The following CCDC60 variants were observed in gnomAD, a reference collection of about 807,000 sequenced individuals.
CCDC60 encodes coiled-coil domain-containing protein 60.
CCDC60 carries 54 observed loss-of-function variants against 63.5 expected under a neutral mutation model. The observed-to-expected ratio is 0.85, with a 90% CI of 0.68 to 1.07. CCDC60 has a LOEUF of 1.07. Ranked by LOEUF, CCDC60 falls within the 50% of genes least tolerant of loss-of-function variation. The pLI, the probability that CCDC60 is intolerant of heterozygous loss-of-function variation, is 0.00. For missense variants in CCDC60, 651 were observed against 684.3 expected (o/e 0.95, Z 0.54); for synonymous variants, 206 against 238.8 (o/e 0.86, Z 1.27).
At chr12:119,525,515 C>G (rs1057350046) in intron 11 of CCDC60, among the ~76,000 whole-genome samples, 3 of 152,170 alleles carry the variant, frequency 2.0e-5, no homozygotes, top group African/African-American at 7.2e-5. Context: ...AGAAAAAAAT[C>G]TTCAACAAAG....
intron 1 of CCDC60, among the ~76,000 whole-genome samples, chr12:119,421,067 C>T (rs1227349221): frequency 1.3e-5 from 2 of 152,090 alleles, no homozygotes; most frequent in Non-Finnish European, 2.9e-5. Flanking sequence ...GACGGAGCAT[C>T]CCAGCTGTTT....
intron 7 of CCDC60, among the ~76,000 whole-genome samples, chr12:119,507,210 G>A (rs1952028801): frequency 6.6e-6 from 1 of 151,990 alleles, no homozygotes; most frequent in African/African-American, 2.4e-5. Flanking sequence ...GATGTTCAAA[G>A]ATGGAAGTGA....
chr12:119,360,360 CCCGGACGGGGCGG>C (rs1955768739), intron 1 of CCDC60, among the ~76,000 whole-genome samples: 2 of 86,048 alleles, frequency 2.3e-5, no homozygotes, highest in East Asian at 7.9e-3. Flanking sequence ...CCACCTCCCT[CCCGGACGGGGCGG>C]CTGGCCGGGC....
At chr12:119,389,729 G>A (rs552931273) in intron 1 of CCDC60, among the ~76,000 whole-genome samples, 1 of 152,016 alleles carries the variant, frequency 6.6e-6, no homozygotes, top group Admixed American at 6.6e-5. Flanking sequence ...GCATCTTTAG[G>A]GTTAGCCCCC....
chr12:119,383,649 C>T (rs552116653), intron 1 of CCDC60, among the ~76,000 whole-genome samples: 14 of 152,326 alleles, frequency 9.2e-5, no homozygotes, highest in Middle Eastern at 3.4e-3. Context: ...CTTTTGAGAG[C>T]TCAAGAGACA....
chr12:119,444,919 C>A (rs1195074254), intron 2 of CCDC60, among the ~76,000 whole-genome samples: 1 of 151,724 alleles, frequency 6.6e-6, no homozygotes, highest in Non-Finnish European at 1.5e-5. Flanking sequence ...ACAGGAAGAG[C>A]AAAATGGCTT....
chr12:119,400,722 C>CTCCCAA (rs551910433), intron 1 of CCDC60, among the ~76,000 whole-genome samples: 154 of 152,368 alleles, frequency 1.0e-3, no homozygotes, highest in Non-Finnish European at 1.7e-3. Flanking sequence ...GCGTAATAAG[C>CTCCCAA]TCCCAAATGA....
intron 5 of CCDC60, among the ~76,000 whole-genome samples, chr12:119,496,289 T>A (rs961211211): frequency 6.6e-6 from 1 of 152,242 alleles, no homozygotes; most frequent in East Asian, 1.9e-4. Context: ...GCACGAAGTA[T>A]TTGAGAAAAT....
At chr12:119,528,910 C>A (rs1952764028) in intron 12 of CCDC60, among the ~76,000 whole-genome samples, 164 bp downstream of exon 12, 1 of 152,242 alleles carries the variant, frequency 6.6e-6, no homozygotes, top group East Asian at 1.9e-4. Flanking sequence ...AACACTAAAT[C>A]CAGAGCACAA....
At chr12:119,412,963 G>C (rs547230866) in intron 1 of CCDC60, among the ~76,000 whole-genome samples, 1 of 152,164 alleles carries the variant, frequency 6.6e-6, no homozygotes, top group African/African-American at 2.4e-5. Flanking sequence ...GCCATCTCAA[G>C]CCTCCCGCAT....
intron 1 of CCDC60, among the ~76,000 whole-genome samples, chr12:119,418,229 A>G (rs1956739632): frequency 6.6e-6 from 1 of 151,948 alleles, no homozygotes; most frequent in Non-Finnish European, 1.5e-5. Context: ...TTTTAAGCTG[A>G]GCCTCTTGAA....
At chr12:119,431,514 C>A (rs1388647601) in intron 2 of CCDC60, among the ~76,000 whole-genome samples, 1 of 152,234 alleles carries the variant, frequency 6.6e-6, no homozygotes, top group African/African-American at 2.4e-5. Context: ...GGGTCAGAAT[C>A]TTGCAGTCTC....
In CCDC60 at chr12:119,428,407, C is replaced by A. The variant is rs138307563; in HGVS notation, c.91-276C>A. Among the ~76,000 whole-genome samples, 295 of 152,290 alleles carry A rather than the reference C, an allele frequency of 1.9e-3. 1 individual carries two copies. The East Asian group carries it at 0.02, about 10-fold the overall frequency. ...TACTGAAGAAATTGAGGCCCAAATT[C>A]TTCAGAGAGGTTGAGTAATTTGTTC... is the stretch of plus-strand genomic sequence containing the variant. On this transcript the variant is annotated intron_variant, in intron 1 of 13. Coordinates refer to ENST00000327554, the MANE Select transcript of CCDC60 (RefSeq NM_178499.5).
chr12:119,418,232 C>T (rs544943540), intron 1 of CCDC60, among the ~76,000 whole-genome samples: 41 of 151,796 alleles, frequency 2.7e-4, no homozygotes, highest in Admixed American at 2.0e-3. Flanking sequence ...TAAGCTGAGC[C>T]TCTTGAAAGT....
At chr12:119,466,816 C>T (rs1207990690) in intron 2 of CCDC60, among the ~76,000 whole-genome samples, 1 of 152,156 alleles carries the variant, frequency 6.6e-6, no homozygotes, top group African/African-American at 2.4e-5. Flanking sequence ...TTGGTGTGTG[C>T]ATTGTGTTGA....
intron 7 of CCDC60, among the ~76,000 whole-genome samples, chr12:119,511,957 C>T (rs1197347153): frequency 6.6e-6 from 1 of 152,020 alleles, no homozygotes. Context: ...CATGACAAGA[C>T]AAAAATAAAG....
intron 5 of CCDC60, 127 bp from the exon 6 acceptor site, chr12:119,499,951 G>A: frequency 1.3e-6 from 1 of 745,328 alleles, no homozygotes; most frequent in Non-Finnish European, 2.4e-6. Flanking sequence ...ACAAGTAGAG[G>A]AGTGGGGGAG....
intron 2 of CCDC60, chr12:119,429,023 T>C (rs955904006): frequency 8.9e-5 from 33 of 369,060 alleles, no homozygotes; most frequent in Non-Finnish European, 1.5e-4. Context: ...TGAATCCAAC[T>C]CAAGAGAGTG....
chr12:119,509,154 A>T (rs1226414380), intron 7 of CCDC60, among the ~76,000 whole-genome samples: 2 of 152,014 alleles, frequency 1.3e-5, no homozygotes, highest in Non-Finnish European at 2.9e-5. Flanking sequence ...CTTCACACCT[A>T]TTGCTTTTGT....
Sources: gnomAD v4.1 joint callset for allele counts (sites outside exome capture counted in the v4.1 genomes callset) on GRCh38, gnomAD v4.1.1 for gene constraint, MANE v1.5 for transcripts, NCBI Gene and HGNC (gene_info 2026-07-23, HGNC 2026-07-21) for gene names.